Variants in SKIC3 observed in about 807,000 individuals in gnomAD.
The protein encoded by SKIC3 is SKI3 subunit of superkiller complex, also known as superkiller complex protein 3.
At chr5:95,522,186 G>A in the SKIC3 span, 3 of 1,613,752 alleles carry the variant, frequency 1.9e-6, no homozygotes, top group African/African-American at 4.0e-5. Context: ...TCTGGGTTCA[G>A]CTCACTGGCT....
At chr5:95,531,966 G>A in the SKIC3 span, among the ~76,000 whole-genome samples, 100 of 152,070 alleles carry the variant, frequency 6.6e-4, no homozygotes, top group African/African-American at 2.4e-3. Flanking sequence ...TCTGTTAATA[G>A]GTAACAGCTG....
At chr5:95,497,229 C>T in the SKIC3 span, among the ~76,000 whole-genome samples, 4 of 152,268 alleles carry the variant, frequency 2.6e-5, no homozygotes, top group African/African-American at 9.6e-5. Flanking sequence ...TAGAACAGCA[C>T]AACCGTATAT....
the SKIC3 span, among the ~76,000 whole-genome samples, chr5:95,533,163 T>A: frequency 1.3e-5 from 2 of 152,032 alleles, no homozygotes; most frequent in East Asian, 3.9e-4. Context: ...TGAAAAAAAA[T>A]TTCAACAGAT....
chr5:95,512,667 TA>T, the SKIC3 span: 25 of 1,605,014 alleles, frequency 1.6e-5, no homozygotes, highest in South Asian at 2.1e-4. Flanking sequence ...AATGTGTCAA[TA>T]AAAATTATAA....
At chr5:95,520,935 C>T in the SKIC3 span, 2,541 of 743,682 alleles carry the variant, frequency 3.4e-3, 24 homozygotes, top group Non-Finnish European at 2.3e-3. Context: ...TAAAACTTAA[C>T]GGTGTGTTAT....
the SKIC3 span, among the ~76,000 whole-genome samples, chr5:95,479,348 T>C: frequency 6.6e-6 from 1 of 152,170 alleles, no homozygotes; most frequent in Non-Finnish European, 1.5e-5. Flanking sequence ...ACCACATTTG[T>C]GGACAGAAAA....
At chr5:95,520,573 A>T in the SKIC3 span, 1 of 652,120 alleles carries the variant, frequency 1.5e-6, no homozygotes, top group African/African-American at 1.9e-5. Flanking sequence ...CATGTATGTT[A>T]TAGAATTGGC....
the SKIC3 span, chr5:95,536,571 C>T: frequency 2.3e-6 from 1 of 436,514 alleles, no homozygotes; most frequent in Non-Finnish European, 4.1e-6. Flanking sequence ...CCAATTTCCA[C>T]CATTAAAAAG....
At chr5:95,492,681 A>C in the SKIC3 span, among the ~76,000 whole-genome samples, 2 of 140,874 alleles carry the variant, frequency 1.4e-5, no homozygotes, top group South Asian at 2.2e-4. Flanking sequence ...AAAAAAAAAA[A>C]AAAAAAAACA....
At chr5:95,502,069 A>G in the SKIC3 span, among the ~76,000 whole-genome samples, 1 of 152,188 alleles carries the variant, frequency 6.6e-6, no homozygotes, top group African/African-American at 2.4e-5. Flanking sequence ...AGTTTATCCT[A>G]TAGAACTGGT....
chr5:95,520,188 C>T, the SKIC3 span, among the ~76,000 whole-genome samples: 21 of 151,932 alleles, frequency 1.4e-4, no homozygotes, highest in South Asian at 2.9e-3. Context: ...CTATAAAATG[C>T]CAAATCTACT....
chr5:95,522,026 G>A, the SKIC3 span: 37 of 1,612,062 alleles, frequency 2.3e-5, no homozygotes, highest in East Asian at 8.2e-4. Flanking sequence ...GATCATAAAA[G>A]TCAAAGGAGC....
the SKIC3 span, among the ~76,000 whole-genome samples, chr5:95,534,440 T>C: frequency 6.6e-6 from 1 of 152,154 alleles, no homozygotes; most frequent in African/African-American, 2.4e-5. Flanking sequence ...TACTCCCTAA[T>C]GCACTTAGTC....
chr5:95,541,707 A>C, the SKIC3 span: 44,200 of 800,042 alleles, frequency 0.055, 1,136 homozygotes, highest in East Asian at 0.12. Flanking sequence ...AAAAAAAAAA[A>C]AGCTTCGCAA....
At chr5:95,528,416 A>C in the SKIC3 span, among the ~76,000 whole-genome samples, 2 of 152,198 alleles carry the variant, frequency 1.3e-5, no homozygotes, top group African/African-American at 2.4e-5. Flanking sequence ...AAAAAACGAC[A>C]ATGGCTATCT....
the SKIC3 span, chr5:95,530,117 A>G: frequency 1.9e-6 from 3 of 1,613,380 alleles, no homozygotes; most frequent in East Asian, 4.5e-5. Context: ...CAGCATCTTC[A>G]TACTTTTTGT....
chr5:95,541,731 C>T, the SKIC3 span: 2 of 980,752 alleles, frequency 2.0e-6, no homozygotes, highest in Admixed American at 2.3e-5. Flanking sequence ...CCAGTAAATG[C>T]TGGAATACTT....
the SKIC3 span, chr5:95,516,570 G>A: frequency 3.7e-6 from 6 of 1,613,096 alleles, no homozygotes; most frequent in African/African-American, 6.7e-5. Context: ...GCTGAGCAAG[G>A]GCATAATTTC....
At chr5:95,498,312 G>A in the SKIC3 span, 5 of 1,541,082 alleles carry the variant, frequency 3.2e-6, no homozygotes, top group Admixed American at 8.3e-5. Context: ...AAGTCCCAAT[G>A]TCAAATGCAA....
Sources: gnomAD v4.1 joint callset for allele counts (sites outside exome capture counted in the v4.1 genomes callset) on GRCh38, gnomAD v4.1.1 for gene constraint, MANE v1.5 for transcripts, NCBI Gene and HGNC (gene_info 2026-07-23, HGNC 2026-07-21) for gene names.